The following RBM4B variants were observed in gnomAD, a reference collection of about 807,000 sequenced individuals.
The protein encoded by RBM4B is RNA binding motif protein 4B.
Under a neutral mutation model 28.5 loss-of-function variants are expected in RBM4B, and 13 were observed. That is an observed-to-expected ratio of 0.46 (90% confidence interval 0.30 to 0.72). The LOEUF (loss-of-function observed/expected upper bound fraction) is 0.72. Ranked by LOEUF, RBM4B falls within the 30% of genes least tolerant of loss-of-function variation. The pLI, the probability that RBM4B is intolerant of heterozygous loss-of-function variation, is 0.09. For missense variants in RBM4B, 387 were observed against 477.6 expected, an observed-to-expected ratio of 0.81 and a Z score of 1.77; for synonymous variants, 167 against 179.1, an observed-to-expected ratio of 0.93 and a Z score of 0.54.
Position 66,665,561 on chromosome 11 carries a change from A to G in RBM4B, c.*27T>C. 1 of 1,532,694 alleles carries G rather than the reference A, an allele frequency of 6.5e-7. No homozygotes were observed. The highest frequency in any genetic ancestry group is 1.2e-5 in the South Asian group (1 of 83,996). The allele number at this position is 1,532,694 out of a possible 1,614,324, so 94.9% of individuals were successfully genotyped here. On this transcript the variant is annotated 3_prime_UTR_variant, in exon 4 of 4. Coordinates refer to ENST00000310046, the MANE Select transcript of RBM4B (RefSeq NM_031492.4). The stretch of plus-strand genomic sequence containing the variant: ...ATATATGACCGCAGCCCGAGGGTTC[A>G]GTCCGCAATTATCCTACCTGAAAGA...
Position 66,668,759 on chromosome 11 carries a change from T to G in RBM4B, c.945A>C (p.Thr315=), listed in dbSNP as rs767874634. ...GCCCATAACCGTAGCCCTCTCCAAC[T>G]GTGGGGAGCATGGCTGCAGCACGAC... ...PLRRAAAMLP[T]VGEGYGYGPE... Residue 315 remains threonine (T), a synonymous_variant, in exon 3 of 4, where the codon ACA becomes ACC. Transcript: ENST00000310046. 6.2e-7 allele frequency: 1 copy of G among 1,614,152 alleles called. No individual in the cohort carries two copies. Among genetic ancestry groups the G allele is most frequent in the South Asian group, 1.1e-5 (1 of 91,082 alleles).
At chr11:66,667,621 T>A (rs139194783) in intron 3 of RBM4B, 9 of 152,168 alleles carry the variant, frequency 5.9e-5, no homozygotes, top group African/African-American at 2.2e-4. Flanking sequence ...CATTTAAAAT[T>A]TATAGGACTT....
intron 2 of RBM4B, chr11:66,671,051 C>T (rs1386368118): frequency 1.4e-5 from 10 of 701,924 alleles, no homozygotes; most frequent in Non-Finnish European, 2.3e-5. Context: ...GAGAGGGGAG[C>T]GGGTTAGTGT....
At chr11:66,667,072 T>C (rs1347963644) in intron 3 of RBM4B, 1 of 152,148 alleles carries the variant, frequency 6.6e-6, no homozygotes, top group East Asian at 1.9e-4. Context: ...GCTGCTTTGT[T>C]ATCTTCTACA....
chr11:66,675,032 T>A (rs759889134), intron 2 of RBM4B, among the ~76,000 whole-genome samples: 1 of 152,042 alleles, frequency 6.6e-6, no homozygotes, highest in Non-Finnish European at 1.5e-5. Context: ...ATTTCCCCCA[T>A]CAAATGAAAA....
chr11:66,666,606 A>G (rs1248338909), intron 3 of RBM4B: 1 of 168,038 alleles, frequency 6.0e-6, no homozygotes, highest in African/African-American at 2.4e-5. Flanking sequence ...TGAAGACCAC[A>G]ATATATGAAT....
At chr11:66,669,314 G>T in intron 2 of RBM4B, 23 bp from the exon 3 acceptor site, 2 of 1,597,490 alleles carry the variant, frequency 1.3e-6, no homozygotes, top group African/African-American at 1.3e-5. Context: ...GATGTAAGAA[G>T]ATTTATTTTA....
At chr11:66,668,473 G>T in intron 3 of RBM4B, 142 bp downstream of exon 3, 1 of 645,864 alleles carries the variant, frequency 1.5e-6, no homozygotes, top group Non-Finnish European at 2.6e-6. Context: ...CTAAGCTAGA[G>T]AAATATTGAA....
chr11:66,665,779 C>CTA (rs1184193179), intron 3 of RBM4B: 1 of 1,348,038 alleles, frequency 7.4e-7, no homozygotes, highest in Non-Finnish European at 1.0e-6. Flanking sequence ...CCACTTATGG[C>CTA]TATATATATA....
chr11:66,677,255 G>T, intron 1 of RBM4B, 164 bp from the exon 2 acceptor site: 1 of 869,188 alleles, frequency 1.2e-6, no homozygotes, highest in Non-Finnish European at 1.7e-6. Context: ...TTCTCGAGAA[G>T]TGCGAGCTAT....
In RBM4B at chr11:66,669,018, T is replaced by TA; in HGVS notation, c.685dup (p.Tyr229LeufsTer2). 10 of 1,614,222 alleles carry TA rather than the reference T, an allele frequency of 6.2e-6. No individual in the cohort carries two copies. Among genetic ancestry groups the TA allele is most frequent in the Non-Finnish European group, 8.5e-6 (10 of 1,180,042 alleles). The stretch of plus-strand genomic sequence containing the variant: ...CGCTGCCGCCGCTGCTACTGCCTCA[T>TA]AAGAGCGGACCCGGTATCGCTTATA... On this transcript the variant is annotated frameshift_variant, in exon 3 of 4. Transcript: ENST00000310046. LOFTEE classifies it high-confidence loss of function.
In RBM4B at chr11:66,668,625, T is replaced by C. The variant is rs1432122353; in HGVS notation, c.1079A>G (p.Ter360=). Residue 360 remains the stop codon, a stop_retained_variant, in exon 3 of 4, where the codon TAA becomes TGA. Coordinates refer to ENST00000310046, the MANE Select transcript of RBM4B (RefSeq NM_031492.4). ...CCACCCATCTCTCACCTCCAGTTTT[T>C]AAAAGGCTGAGTACCGGGCTCGGTC... The part of the protein sequence containing the change: ...YVDRARYSAF[*] The C allele has an allele frequency of 1.9e-6, 3 of 1,594,370 alleles. No homozygotes were observed. Among genetic ancestry groups the C allele is most frequent in the Non-Finnish European group, 2.6e-6 (3 of 1,164,576 alleles).
Position 66,669,239 on chromosome 11 carries a change from A to G in RBM4B, c.465T>C (p.Gly155=). The change falls in exon 3 of 4, where the codon GGT becomes GGC. Residue 155 remains glycine, a synonymous_variant. Coordinates refer to ENST00000310046, the MANE Select transcript of RBM4B (RefSeq NM_031492.4). The part of the protein sequence containing the change: ...LSTSRLRTAP[G]MGDQSGCYRC... ...GATAGCAGCCACTCTGGTCTCCCAT[A>G]CCAGGGGCAGTCCGAAGCCGGCTTG... is the stretch of plus-strand genomic sequence containing the variant. The G allele has an allele frequency of 3.1e-6, 5 of 1,614,130 alleles. No homozygotes were observed. Among genetic ancestry groups the G allele is most frequent in the Non-Finnish European group, 4.2e-6 (5 of 1,179,996 alleles).
At chr11:66,665,783 A>T (rs1939208588) in intron 3 of RBM4B, 1 of 1,369,378 alleles carries the variant, frequency 7.3e-7, no homozygotes, top group Non-Finnish European at 9.9e-7. Context: ...TTATGGCTAT[A>T]TATATAGGAC....
intron 1 of RBM4B, 185 bp from the exon 2 acceptor site, chr11:66,677,276 C>T: frequency 4.2e-6 from 3 of 713,574 alleles, no homozygotes; most frequent in Non-Finnish European, 6.8e-6. Flanking sequence ...GCGTGACATG[C>T]AAACAGGAGG....
chr11:66,667,248 A>G (rs571916424), intron 3 of RBM4B: 2 of 152,368 alleles, frequency 1.3e-5, no homozygotes, highest in South Asian at 4.1e-4. Flanking sequence ...AGATTTATCT[A>G]TCTTTAGATA....
chr11:66,675,694 A>AAC (rs1308648157), intron 2 of RBM4B: 1 of 152,254 alleles, frequency 6.6e-6, no homozygotes, highest in Non-Finnish European at 1.5e-5. Context: ...CGATACTGTT[A>AAC]ACAAAACACT....
At chr11:66,667,369 A>G (rs1939275061) in intron 3 of RBM4B, 1 of 152,208 alleles carries the variant, frequency 6.6e-6, no homozygotes, top group African/African-American at 2.4e-5. Flanking sequence ...GCAATTTTCT[A>G]CACATCTGAA....
chr11:66,676,889 T>G lies in RBM4B; in HGVS notation c.191A>C (p.Asn64Thr). The change falls in exon 2 of 4, where the codon AAC (asparagine) becomes ACC (threonine). Residue 64 changes from asparagine (N) to threonine (T), a missense_variant. Coordinates refer to ENST00000310046, the MANE Select transcript of RBM4B (RefSeq NM_031492.4). Reference protein sequence around the residue: ...NLHHYKLHGVNINVEASKNKS... With the variant: ...NLHHYKLHGVTINVEASKNKS... ...ATTCTTGCTGGCTTCCACGTTGATG[T>G]TCACCCCATGAAGCTTGTAATGGTG... 1.9e-6 allele frequency: 3 copies of G among 1,614,206 alleles called. No homozygotes were observed. The highest frequency in any genetic ancestry group is 2.5e-6 in the Non-Finnish European group (3 of 1,180,040).
Sources: allele counts gnomAD v4.1 joint callset (sites outside exome capture counted in the v4.1 genomes callset), GRCh38; gene constraint gnomAD v4.1.1; transcripts MANE v1.5; gene names NCBI Gene and HGNC (gene_info 2026-07-23, HGNC 2026-07-21).